WDR7: variants seen among roughly 807,000 people sequenced by gnomAD.
WDR7 encodes WD repeat domain 7, also known as WD repeat-containing protein 7.
A neutral mutation model predicts 169.4 loss-of-function variants in WDR7; 46 were observed. The observed-to-expected ratio is 0.27, with a 90% CI of 0.21 to 0.35. The LOEUF (loss-of-function observed/expected upper bound fraction) is 0.35, where lower values mean the gene tolerates loss of function less well. Among genes scored for constraint, WDR7 ranks in the 10% least tolerant of loss-of-function variants. WDR7 has a pLI of 1.00. For missense variants in WDR7, 1,534 were observed against 1,859.3 expected (o/e 0.83, Z 3.22); for synonymous variants, 612 against 666.8 (o/e 0.92, Z 1.27).
chr18:56,724,606 T>A (rs1451743206), intron 13 of WDR7, among the ~76,000 whole-genome samples: 4 of 151,768 alleles, frequency 2.6e-5, no homozygotes, highest in Non-Finnish European at 5.9e-5. Flanking sequence ...TTTTTGAGCT[T>A]TGTTGTGGGA....
chr18:56,751,560 C>T (rs182876041), intron 14 of WDR7, among the ~76,000 whole-genome samples: 23 of 152,228 alleles, frequency 1.5e-4, no homozygotes, highest in Non-Finnish European at 2.8e-4. Context: ...TACCCAGTGT[C>T]AGGTCTGTCT....
In WDR7 at chr18:56,709,389, A is replaced by G. The variant is rs190441183; in HGVS notation, c.1579-8575A>G. ...TTAACCCCTTCAGAAAATAAATACA[A>G]TTACATTCTAAAAGATAGAATCTAT... On this transcript the variant is annotated intron_variant, in intron 12 of 27. Coordinates refer to ENST00000254442, the MANE Select transcript of WDR7 (RefSeq NM_015285.3). Among the ~76,000 whole-genome samples the G allele has an allele frequency of 1.8e-3, 280 of 152,346 alleles. 1 individual carries two copies. The highest frequency in any genetic ancestry group is 6.8e-3 in the Middle Eastern group (2 of 294).
intron 27 of WDR7, among the ~76,000 whole-genome samples, chr18:57,023,105 T>C (rs549232834): frequency 6.6e-6 from 1 of 152,370 alleles, no homozygotes; most frequent in East Asian, 1.9e-4. Context: ...GAAATTTTAA[T>C]GGAAGATACA....
intron 16 of WDR7, among the ~76,000 whole-genome samples, chr18:56,776,476 T>C (rs1329456968): frequency 6.6e-6 from 1 of 152,186 alleles, no homozygotes; most frequent in African/African-American, 2.4e-5. Flanking sequence ...ATTTTTACTG[T>C]CATTTTTTCA....
chr18:56,920,090 A>G (rs4801062), intron 21 of WDR7, among the ~76,000 whole-genome samples: 123,366 of 151,826 alleles, frequency 0.81, 50,657 homozygotes, highest in East Asian at 0.98. Context: ...CCCCAACCAT[A>G]CATACACACA....
intron 12 of WDR7, among the ~76,000 whole-genome samples, chr18:56,697,624 A>C (rs1026151571): frequency 6.6e-6 from 1 of 152,160 alleles, no homozygotes; most frequent in African/African-American, 2.4e-5. Flanking sequence ...TACATTAATA[A>C]ATTAAGGTAT....
intron 16 of WDR7, among the ~76,000 whole-genome samples, chr18:56,775,063 G>A (rs1174435032): frequency 2.0e-5 from 3 of 151,884 alleles, no homozygotes; most frequent in Admixed American, 2.0e-4. Flanking sequence ...TTTTACACTT[G>A]TTCCTTATAG....
intron 12 of WDR7, among the ~76,000 whole-genome samples, chr18:56,715,449 A>T (rs1423661358): frequency 6.6e-6 from 1 of 152,214 alleles, no homozygotes; most frequent in Non-Finnish European, 1.5e-5. Context: ...GGACTAGCAA[A>T]TAGGTCAGTT....
chr18:57,001,383 A>G (rs999320268), intron 26 of WDR7, among the ~76,000 whole-genome samples: 2 of 151,882 alleles, frequency 1.3e-5, no homozygotes, highest in Admixed American at 6.6e-5. Context: ...GACCTGATGG[A>G]AAACTTGAAA....
chr18:56,996,240 G>T (rs947801762), intron 26 of WDR7, among the ~76,000 whole-genome samples: 1 of 152,078 alleles, frequency 6.6e-6, no homozygotes, highest in African/African-American at 2.4e-5. Context: ...TGTGAGAGCT[G>T]GTAACTGCTT....
At chr18:56,925,451 T>G (rs985315155) in intron 22 of WDR7, among the ~76,000 whole-genome samples, 1 of 152,196 alleles carries the variant, frequency 6.6e-6, no homozygotes, top group Non-Finnish European at 1.5e-5. Flanking sequence ...AGTATAATCA[T>G]CCCAGTGGGT....
intron 20 of WDR7, among the ~76,000 whole-genome samples, chr18:56,877,430 C>T (rs934848092): frequency 2.0e-5 from 3 of 152,142 alleles, no homozygotes; most frequent in Non-Finnish European, 2.9e-5. Flanking sequence ...CATGAAACTT[C>T]AAGAATCCTT....
intron 12 of WDR7, among the ~76,000 whole-genome samples, chr18:56,716,360 C>A (rs1426957357): frequency 6.6e-6 from 1 of 151,666 alleles, no homozygotes; most frequent in African/African-American, 2.4e-5. Flanking sequence ...CATGAGTAAA[C>A]ACCTGTTATG....
intron 16 of WDR7, among the ~76,000 whole-genome samples, chr18:56,773,830 T>A (rs2145036233): frequency 6.6e-6 from 1 of 152,276 alleles, no homozygotes; most frequent in South Asian, 2.1e-4. Flanking sequence ...GCCTTTATGT[T>A]AAGTACGTGG....
chr18:56,873,877 A>G (rs2045986424), intron 20 of WDR7: 1 of 152,230 alleles, frequency 6.6e-6, no homozygotes. Context: ...AGGCAGCCAT[A>G]GTGAAAATAG....
At chr18:56,818,376 A>G (rs1341953098) in intron 20 of WDR7, among the ~76,000 whole-genome samples, 1 of 152,242 alleles carries the variant, frequency 6.6e-6, no homozygotes, top group East Asian at 1.9e-4. Flanking sequence ...AAATCAAGAA[A>G]CTAAGAATGC....
chr18:56,781,893 T>G (rs1484890071), intron 19 of WDR7: 1 of 319,900 alleles, frequency 3.1e-6, no homozygotes, highest in East Asian at 5.6e-5. Flanking sequence ...GAACTGACTT[T>G]TATAAATGAA....
At chr18:56,786,973 G>C (rs140917359) in intron 19 of WDR7, among the ~76,000 whole-genome samples, 428 of 151,628 alleles carry the variant, frequency 2.8e-3, no homozygotes, top group Middle Eastern at 0.01. Context: ...TAATAAATAG[G>C]GATTAATGTT....
At chr18:56,860,500 C>G (rs147492597) in intron 20 of WDR7, among the ~76,000 whole-genome samples, 63 of 152,168 alleles carry the variant, frequency 4.1e-4, no homozygotes, top group Non-Finnish European at 7.6e-4. Context: ...ATAAAAAAAT[C>G]AATATACACA....
Sources: gnomAD v4.1 joint callset for allele counts (sites outside exome capture counted in the v4.1 genomes callset) on GRCh38, gnomAD v4.1.1 for gene constraint, MANE v1.5 for transcripts, NCBI Gene and HGNC (gene_info 2026-07-23, HGNC 2026-07-21) for gene names.